PRKG2: variants seen among roughly 807,000 people sequenced by gnomAD.
PRKG2 encodes the protein cGMP-dependent protein kinase 2.
A neutral mutation model predicts 97.2 loss-of-function variants in PRKG2; 33 were observed. The observed-to-expected ratio is 0.34, with a 90% confidence interval of 0.26 to 0.45. The LOEUF is 0.45. Ranked by LOEUF, PRKG2 falls within the 20% of genes least tolerant of loss-of-function variation. The pLI, the probability that PRKG2 is intolerant of heterozygous loss-of-function variation, is 1.00. For synonymous variants in PRKG2, 330 were observed against 321.8 expected (o/e 1.03, Z -0.27); for missense variants, 638 against 900.0 (o/e 0.71, Z 3.73).
In PRKG2 at chr4:81,204,643, G is replaced by A. The variant is rs745529638; in HGVS notation, c.405C>T (p.Asp135=). ...AGGAAAATTCAGGGGGTTTGTTCAGGTCATAGGTCCGGGTTGTTGGCTCAG... is the reference window on the plus strand; with the variant it reads ...AGGAAAATTCAGGGGGTTTGTTCAGATCATAGGTCCGGGTTGTTGGCTCAG... ...VSAEPTTRTY[D]LNKPPEFSFE... The change falls in exon 2 of 19, where the codon GAC becomes GAT. Residue 135 remains aspartate, a synonymous_variant. Transcript: ENST00000264399. The A allele has an allele frequency of 1.2e-6, 2 of 1,614,140 alleles. No homozygotes were observed. The highest frequency in any genetic ancestry group is 1.7e-6 in the Non-Finnish European group (2 of 1,180,030).
intron 17 of PRKG2, among the ~76,000 whole-genome samples, chr4:81,094,207 G>C (rs1007172136): frequency 6.6e-5 from 10 of 151,988 alleles, no homozygotes; most frequent in African/African-American, 2.4e-4. Context: ...GACATGACTG[G>C]TGCCTAGTTT....
intron 6 of PRKG2, among the ~76,000 whole-genome samples, chr4:81,162,638 C>T (rs1252408136): frequency 6.6e-6 from 1 of 152,124 alleles, no homozygotes; most frequent in African/African-American, 2.4e-5. Flanking sequence ...TCATAGTTTG[C>T]TTACTCAAAC....
At chr4:81,119,985 C>T (rs116700186) in intron 14 of PRKG2, among the ~76,000 whole-genome samples, 2,770 of 152,228 alleles carry the variant, frequency 0.018, 37 homozygotes, top group Middle Eastern at 0.082. Context: ...TGATATCTTA[C>T]GGATACTGTT....
At chr4:81,206,201 CT>C (rs1753637426) in intron 1 of PRKG2, among the ~76,000 whole-genome samples, 1 of 152,142 alleles carries the variant, frequency 6.6e-6, no homozygotes, top group Non-Finnish European at 1.5e-5. Flanking sequence ...TGTTTTAAGG[CT>C]TTTTAGACTA....
At chr4:81,123,976 T>C (rs1035457087) in intron 14 of PRKG2, among the ~76,000 whole-genome samples, 2 of 152,204 alleles carry the variant, frequency 1.3e-5, no homozygotes, top group Admixed American at 6.5e-5. Context: ...ATATTATCTA[T>C]TGGAATAATT....
chr4:81,160,256 G>T (rs1457105958), intron 6 of PRKG2, among the ~76,000 whole-genome samples: 5 of 152,100 alleles, frequency 3.3e-5, no homozygotes, highest in Non-Finnish European at 7.4e-5. Flanking sequence ...TGTTGTTTTT[G>T]CCTATTGAAA....
At chr4:81,155,817 T>A (rs1325540700) in intron 6 of PRKG2, among the ~76,000 whole-genome samples, 2 of 151,860 alleles carry the variant, frequency 1.3e-5, no homozygotes, top group Non-Finnish European at 2.9e-5. Flanking sequence ...GAATTTCATA[T>A]CCAGCCAAAC....
chr4:81,168,250 T>C (rs1750160814), intron 5 of PRKG2, among the ~76,000 whole-genome samples: 1 of 152,022 alleles, frequency 6.6e-6, no homozygotes, highest in African/African-American at 2.4e-5. Flanking sequence ...GCAAAAGAGA[T>C]ATAAGAAAAA....
At chr4:81,120,049 T>C (rs1221070185) in intron 14 of PRKG2, among the ~76,000 whole-genome samples, 1 of 152,190 alleles carries the variant, frequency 6.6e-6, no homozygotes, top group Admixed American at 6.5e-5. Flanking sequence ...ATTTGAGTCC[T>C]TGTGGATGAA....
intron 1 of PRKG2, among the ~76,000 whole-genome samples, chr4:81,207,460 T>G (rs914264816): frequency 1.7e-4 from 26 of 152,196 alleles, no homozygotes; most frequent in African/African-American, 6.0e-4. Context: ...GACCAAAGTA[T>G]CATATACCAT....
chr4:81,120,108 G>C (rs1460246070), intron 14 of PRKG2, among the ~76,000 whole-genome samples: 1 of 152,190 alleles, frequency 6.6e-6, no homozygotes, highest in Non-Finnish European at 1.5e-5. Context: ...TAACTTAGGA[G>C]TATGCACTTG....
chr4:81,103,243 T>C (rs1055990346), intron 17 of PRKG2, among the ~76,000 whole-genome samples: 1 of 152,214 alleles, frequency 6.6e-6, no homozygotes, highest in African/African-American at 2.4e-5. Flanking sequence ...ATGTGCCATG[T>C]TGGTGTGCTG....
intron 2 of PRKG2, among the ~76,000 whole-genome samples, chr4:81,204,301 T>C (rs948350809): frequency 6.6e-6 from 1 of 151,882 alleles, no homozygotes; most frequent in African/African-American, 2.4e-5. Flanking sequence ...GAAAAAGAAG[T>C]GTACACTTTC....
At chr4:81,163,850 A>G (rs886257138) in intron 6 of PRKG2, among the ~76,000 whole-genome samples, 2 of 144,904 alleles carry the variant, frequency 1.4e-5, no homozygotes, top group Non-Finnish European at 3.0e-5. Flanking sequence ...ATGATATACA[A>G]CCAGATGTAT....
upstream of PRKG2, among the ~76,000 whole-genome samples, chr4:81,216,800 A>G (rs1291050930): frequency 2.7e-5 from 4 of 150,830 alleles, no homozygotes; most frequent in African/African-American, 9.8e-5. Context: ...TTTGTTTCTG[A>G]GTAATTTCAC....
intron 6 of PRKG2, 133 bp from the exon 7 acceptor site, chr4:81,153,854 AC>A: frequency 1.6e-6 from 1 of 638,658 alleles, no homozygotes; most frequent in East Asian, 3.0e-5. Flanking sequence ...CATCTGAGGT[AC>A]CGGGTTCATC....
chr4:81,107,931 A>G (rs1743513512), intron 15 of PRKG2, among the ~76,000 whole-genome samples: 1 of 151,772 alleles, frequency 6.6e-6, no homozygotes, highest in African/African-American at 2.4e-5. Flanking sequence ...GAGGCCGGGC[A>G]TGGTGGCTCA....
rs770633181 is a variant in PRKG2, at chr4:81,204,632, G to C, written c.416C>G (p.Pro139Arg). The stretch of plus-strand genomic sequence containing the variant: ...TGCTTTCTCAAAGGAAAATTCAGGG[G>C]GTTTGTTCAGGTCATAGGTCCGGGT... ...PTTRTYDLNK[P>R]PEFSFEKARV... Residue 139 changes from proline (P) to arginine (R), a missense_variant, in exon 2 of 19, where the codon CCC becomes CGC. Physicochemically the swap from Pro to Arg is moderately radical, Grantham distance 103 (BLOSUM62 -2). Around this residue, in one of 3 missense-constraint regions of PRKG2, gnomAD observed 332 missense variants for 421.7 expected, o/e 0.79. Transcript: ENST00000264399. The C allele has an allele frequency of 6.2e-7, 1 of 1,614,138 alleles. No homozygotes were observed. The highest frequency in any genetic ancestry group is 1.1e-5 in the South Asian group (1 of 91,064).
At chr4:81,139,852 T>A (rs1350761076) in intron 12 of PRKG2, among the ~76,000 whole-genome samples, 3 of 152,028 alleles carry the variant, frequency 2.0e-5, no homozygotes, top group African/African-American at 7.2e-5. Context: ...CTTCTAACAT[T>A]TTTAGTACTG....
Sources: allele counts gnomAD v4.1 joint callset (sites outside exome capture counted in the v4.1 genomes callset), GRCh38; gene constraint gnomAD v4.1.1; regional missense constraint gnomAD v4.1.1; transcripts MANE v1.5; gene names NCBI Gene and HGNC (gene_info 2026-07-23, HGNC 2026-07-21).